Variants in RIC8B observed in about 807,000 individuals in gnomAD.
RIC8B encodes RIC8 guanine nucleotide exchange factor B.
A neutral mutation model predicts 57.5 loss-of-function variants in RIC8B; 16 were observed. That is an observed-to-expected ratio of 0.28 (90% CI 0.19 to 0.42). RIC8B has a LOEUF of 0.42. Among genes scored for constraint, RIC8B ranks in the 10% least tolerant of loss-of-function variants. The pLI is 1.00. For missense variants in RIC8B, 481 were observed against 677.0 expected, an observed-to-expected ratio of 0.71 and a Z score of 3.21; for synonymous variants, 216 against 250.8, an observed-to-expected ratio of 0.86 and a Z score of 1.31.
chr12:106,870,955 C>CA lies in RIC8B; in HGVS notation c.1571+14dup. ...ATAAACTTTCCAGGTATTGTATTCC[C>CA]ATCCATTTTTTGCTTGGTTTCTAAA... On this transcript the variant is annotated intron_variant, in intron 9 of 9. Transcript: ENST00000392837. 1 of 1,543,606 alleles carries CA rather than the reference C, an allele frequency of 6.5e-7. No individual in the cohort carries two copies. The highest frequency in any genetic ancestry group is 1.2e-5 in the South Asian group (1 of 82,670).
At chr12:106,824,800 G>A (rs752702526) in intron 3 of RIC8B, among the ~76,000 whole-genome samples, 3 of 151,900 alleles carry the variant, frequency 2.0e-5, no homozygotes, top group Non-Finnish European at 2.9e-5. Context: ...CCATCTACTC[G>A]GGAGGCTGAG....
Position 106,799,089 on chromosome 12 carries a change from A to G in RIC8B, c.132+15045A>G, listed in dbSNP as rs76832348. On this transcript the variant is annotated intron_variant, in intron 2 of 9. Coordinates refer to ENST00000392837, the MANE Select transcript of RIC8B (RefSeq NM_001330145.2). ...ACGTTCCTGTATCAGGGTGGTGTAC[A>G]TAGGTGCTCAGTAATGGACACTGTA... Among the ~76,000 whole-genome samples, 597 of 152,352 alleles carry G rather than the reference A, an allele frequency of 3.9e-3. 9 individuals carry two copies. The highest frequency in any genetic ancestry group is 0.014 in the African/African-American group (576 of 41,588).
In RIC8B at chr12:106,851,496, C is replaced by T. The variant is rs1949477818; in HGVS notation, c.1208C>T (p.Ser403Leu). 5 of 1,613,722 alleles carry T rather than the reference C, an allele frequency of 3.1e-6. No homozygotes were observed. Among genetic ancestry groups the T allele is most frequent in the Non-Finnish European group, 4.2e-6 (5 of 1,179,874 alleles). ...GTGACAAATCGACCTGAAGTTGGCTCAACTGTGAGAAATAAGCTGGTGCGC... is the reference window on the plus strand; with the variant it reads ...GTGACAAATCGACCTGAAGTTGGCTTAACTGTGAGAAATAAGCTGGTGCGC... Reference protein sequence around the residue: ...RDVTNRPEVGSTVRNKLVRLM... With the variant: ...RDVTNRPEVGLTVRNKLVRLM... Residue 403 changes from serine (S) to leucine (L), a missense_variant, in exon 7 of 10, where the codon TCA becomes TTA. By Grantham distance (145) the Ser-to-Leu change is moderately radical. Around this residue, in one of 3 missense-constraint regions of RIC8B, gnomAD observed 421 missense variants for 560.9 expected, o/e 0.75. Transcript: ENST00000392837.
intron 1 of RIC8B, among the ~76,000 whole-genome samples, chr12:106,776,841 A>G (rs1403257190): frequency 6.6e-6 from 1 of 152,138 alleles, no homozygotes. Context: ...ACTAGATGTG[A>G]ACTGGGTCAG....
intron 7 of RIC8B, among the ~76,000 whole-genome samples, chr12:106,857,551 T>G (rs1300858808): frequency 6.6e-6 from 1 of 152,178 alleles, no homozygotes; most frequent in Non-Finnish European, 1.5e-5. Context: ...ACTTTTTGAC[T>G]GAATGCTGAA....
At chr12:106,805,163 A>T (rs948204020) in intron 2 of RIC8B, among the ~76,000 whole-genome samples, 1 of 152,206 alleles carries the variant, frequency 6.6e-6, no homozygotes, top group Non-Finnish European at 1.5e-5. Context: ...AATGTCTACC[A>T]GGCAGCAACA....
chr12:106,852,665 C>G (rs1371316733), intron 7 of RIC8B, among the ~76,000 whole-genome samples: 1 of 152,206 alleles, frequency 6.6e-6, no homozygotes, highest in Non-Finnish European at 1.5e-5. Context: ...GAGAGCCTTT[C>G]AATAACATGT....
chr12:106,838,986 CA>C (rs78368727), intron 4 of RIC8B, among the ~76,000 whole-genome samples: 28,552 of 103,128 alleles, frequency 0.28, 2,830 homozygotes, highest in African/African-American at 0.36. Flanking sequence ...AGGGTTATTC[CA>C]AAAAAAAAAA....
At chr12:106,866,872 A>G (rs1950163093) in intron 8 of RIC8B, among the ~76,000 whole-genome samples, 1 of 152,178 alleles carries the variant, frequency 6.6e-6, no homozygotes, top group South Asian at 2.1e-4. Context: ...TAGGGCCTGC[A>G]TTCTACGTGA....
In RIC8B at chr12:106,815,307, A is replaced by G. The variant is rs1199593575; in HGVS notation, c.741+3A>G. ...ACAGTTGGAAGGTGCATAAAGAGGTAAGGTAGAGAAGGCTATTTTTGTCTA... is the reference window on the plus strand; with the variant it reads ...ACAGTTGGAAGGTGCATAAAGAGGTGAGGTAGAGAAGGCTATTTTTGTCTA... On this transcript the variant is annotated splice_donor_region_variant and intron_variant, in intron 3 of 9. Transcript: ENST00000392837. 1 of 1,587,322 alleles carries G rather than the reference A, an allele frequency of 6.3e-7. No homozygotes were observed. Among genetic ancestry groups the G allele is most frequent in the Non-Finnish European group, 8.6e-7 (1 of 1,168,274 alleles).
chr12:106,844,944 T>C (rs887068534), intron 6 of RIC8B, among the ~76,000 whole-genome samples: 2 of 152,170 alleles, frequency 1.3e-5, no homozygotes, highest in African/African-American at 4.8e-5. Context: ...AAAATCCCAA[T>C]TTCAAGCACC....
intron 4 of RIC8B, among the ~76,000 whole-genome samples, chr12:106,832,208 T>C (rs1170578692): frequency 6.6e-6 from 1 of 152,172 alleles, no homozygotes; most frequent in Non-Finnish European, 1.5e-5. Context: ...CACTATCTTA[T>C]CATCTGCTTT....
chr12:106,843,818 G>A (rs375416385), intron 5 of RIC8B, 34 bp from the exon 6 acceptor site: 86 of 1,481,860 alleles, frequency 5.8e-5, no homozygotes, highest in East Asian at 2.9e-4. Flanking sequence ...CAAAACTAAC[G>A]TATTTCAAAA....
intron 4 of RIC8B, among the ~76,000 whole-genome samples, chr12:106,841,889 T>A (rs1021469794): frequency 6.6e-6 from 1 of 152,158 alleles, no homozygotes; most frequent in African/African-American, 2.4e-5. Context: ...GCCAAAAATA[T>A]AAGGTTTGGG....
At chr12:106,840,347 G>A (rs555888399) in intron 4 of RIC8B, among the ~76,000 whole-genome samples, 2 of 152,284 alleles carry the variant, frequency 1.3e-5, no homozygotes, top group South Asian at 4.1e-4. Flanking sequence ...GGGGCTGGGA[G>A]CATGAGCGGG....
intron 2 of RIC8B, among the ~76,000 whole-genome samples, chr12:106,793,347 A>G (rs545601322): frequency 6.6e-6 from 1 of 152,344 alleles, no homozygotes; most frequent in Admixed American, 6.5e-5. Context: ...AGAGTGCTGA[A>G]TGTCTCCTCA....
intron 4 of RIC8B, among the ~76,000 whole-genome samples, chr12:106,831,086 A>G (rs2046334663): frequency 6.6e-6 from 1 of 151,568 alleles, no homozygotes; most frequent in African/African-American, 2.4e-5. Flanking sequence ...CCTTTCTTCC[A>G]TCTCTATTCT....
At position 106,887,073 on chromosome 12, in the gene RIC8B, G is replaced by C. The variant is rs1202790882; in HGVS notation, c.*1058G>C. ...TAAAGGGTGTTTATTTTTACTTTTA[G>C]AATTGGTCCTATGAAGAAGTAGAAA... On this transcript the variant is annotated 3_prime_UTR_variant, in exon 10 of 10. Transcript: ENST00000392837. 6.6e-6 allele frequency: 1 copy of C among 152,452 alleles called. No individual in the cohort carries two copies. Among genetic ancestry groups the C allele is most frequent in the Non-Finnish European group, 1.5e-5 (1 of 68,014 alleles). 9.4% of individuals were successfully genotyped at this position (152,452 alleles called of 1,614,324 possible).
Position 106,815,015 on chromosome 12 carries a change from G to A in RIC8B, c.452G>A (p.Cys151Tyr). The change falls in exon 3 of 10, where the codon TGC (cysteine) becomes TAC (tyrosine). Residue 151 changes from cysteine (C) to tyrosine (Y), a missense_variant. By Grantham distance (194) the Cys-to-Tyr change is radical. Around this residue, in one of 3 missense-constraint regions of RIC8B, gnomAD observed 421 missense variants for 560.9 expected, o/e 0.75. Coordinates refer to ENST00000392837, the MANE Select transcript of RIC8B (RefSeq NM_001330145.2). ...AAGCTCTGTAACCTCCTGAGAAAGT[G>A]CAAGGACCGGAAATTTATCAATGAC... ...AAKLCNLLRKCKDRKFINDIK... is the reference protein window; with the variant it reads ...AAKLCNLLRKYKDRKFINDIK... 6.2e-7 allele frequency: 1 copy of A among 1,614,210 alleles called. No homozygotes were observed.
Sources: allele counts gnomAD v4.1 joint callset (sites outside exome capture counted in the v4.1 genomes callset), GRCh38; gene constraint gnomAD v4.1.1; regional missense constraint gnomAD v4.1.1; transcripts MANE v1.5; gene names NCBI Gene and HGNC (gene_info 2026-07-23, HGNC 2026-07-21).